PDE1C: variants seen among roughly 807,000 people sequenced by gnomAD.
PDE1C encodes the protein phosphodiesterase 1C.
PDE1C carries 62 observed loss-of-function variants against 93.1 expected under a neutral mutation model. The observed-to-expected ratio is 0.67, with a 90% CI of 0.54 to 0.82. The LOEUF is 0.82. Among genes scored for constraint, PDE1C ranks in the 40% least tolerant of loss-of-function variants. The pLI is 0.00. For missense variants in PDE1C, 742 were observed against 884.6 expected, an observed-to-expected ratio of 0.84 and a Z score of 2.04; for synonymous variants, 325 against 310.1, an observed-to-expected ratio of 1.05 and a Z score of -0.50.
intron 1 of PDE1C, among the ~76,000 whole-genome samples, chr7:32,358,432 G>C (rs775212772): frequency 2.0e-5 from 3 of 152,214 alleles, no homozygotes; most frequent in Non-Finnish European, 4.4e-5. Flanking sequence ...TCATTGGCAA[G>C]AGGAGTTGAT....
intron 2 of PDE1C, among the ~76,000 whole-genome samples, chr7:32,029,093 T>A (rs2128631532): frequency 6.6e-6 from 1 of 152,240 alleles, no homozygotes; most frequent in South Asian, 2.1e-4. Context: ...CCTAAATAGA[T>A]ATTTCTCCAA....
At chr7:32,029,955 A>G (rs1790074840) in intron 2 of PDE1C, among the ~76,000 whole-genome samples, 1 of 152,094 alleles carries the variant, frequency 6.6e-6, no homozygotes, top group Non-Finnish European at 1.5e-5. Flanking sequence ...GAACATCCCA[A>G]TTAACCGTGA....
At chr7:31,682,759 C>T in the PDE1C span, among the ~76,000 whole-genome samples, 4 of 152,168 alleles carry the variant, frequency 2.6e-5, no homozygotes, top group East Asian at 5.8e-4. Context: ...AGATAAATTG[C>T]GGTACATCCA....
the PDE1C span, among the ~76,000 whole-genome samples, chr7:31,632,870 A>T: frequency 4.5e-4 from 68 of 151,212 alleles, no homozygotes; most frequent in Non-Finnish European, 5.9e-4. Flanking sequence ...TTTTATTTTT[A>T]TTTATTTATT....
At chr7:32,417,205 A>G (rs141321189) in intron 1 of PDE1C, among the ~76,000 whole-genome samples, 170 of 152,194 alleles carry the variant, frequency 1.1e-3, no homozygotes, top group African/African-American at 3.9e-3. Context: ...CTGGGTGCTC[A>G]GGGCACCCAG....
At chr7:32,019,125 C>G (rs1456378469) in intron 2 of PDE1C, among the ~76,000 whole-genome samples, 1 of 143,370 alleles carries the variant, frequency 7.0e-6, no homozygotes, top group Non-Finnish European at 1.5e-5. Flanking sequence ...AGTAGAGGGG[C>G]ACCACAAGAC....
chr7:31,996,153 G>A (rs1195806907), intron 2 of PDE1C, among the ~76,000 whole-genome samples: 1 of 151,240 alleles, frequency 6.6e-6, no homozygotes, highest in Admixed American at 6.6e-5. Context: ...AGAGAGAGAA[G>A]CTGGCAACAT....
intron 1 of PDE1C, among the ~76,000 whole-genome samples, chr7:32,387,139 C>G (rs1458199569): frequency 6.6e-6 from 1 of 151,160 alleles, no homozygotes; most frequent in African/African-American, 2.4e-5. Flanking sequence ...CGCCCTTAAT[C>G]CATTTAACCC....
chr7:31,795,503 A>G (rs930228332), intron 16 of PDE1C, among the ~76,000 whole-genome samples: 3 of 151,950 alleles, frequency 2.0e-5, no homozygotes, highest in African/African-American at 7.2e-5. Flanking sequence ...CTTTAAAAAT[A>G]CAGTGGTACA....
intron 2 of PDE1C, among the ~76,000 whole-genome samples, chr7:31,893,842 T>C (rs550448486): frequency 6.6e-6 from 1 of 152,226 alleles, no homozygotes; most frequent in East Asian, 1.9e-4. Flanking sequence ...TTAAAAGTAT[T>C]ATCTAGTGCT....
chr7:31,902,839 G>C (rs1006818078), intron 2 of PDE1C, among the ~76,000 whole-genome samples: 10 of 151,122 alleles, frequency 6.6e-5, no homozygotes, highest in African/African-American at 2.4e-4. Context: ...ACATTAAAAA[G>C]TTCATAATAT....
At chr7:32,077,390 G>A (rs1796413929) in intron 3 of PDE1C, among the ~76,000 whole-genome samples, 1 of 152,092 alleles carries the variant, frequency 6.6e-6, no homozygotes, top group Non-Finnish European at 1.5e-5. Context: ...CTAGGGGTGG[G>A]CAGAGCACCC....
chr7:32,092,021 A>G (rs138604603), intron 3 of PDE1C, among the ~76,000 whole-genome samples: 1 of 152,306 alleles, frequency 6.6e-6, no homozygotes, highest in Non-Finnish European at 1.5e-5. Flanking sequence ...TTTTGGCCCA[A>G]GGAACAAAAC....
At chr7:32,049,603 A>G (rs1355207751) in intron 2 of PDE1C, among the ~76,000 whole-genome samples, 1 of 152,188 alleles carries the variant, frequency 6.6e-6, no homozygotes, top group Admixed American at 6.5e-5. Flanking sequence ...CTACTGTGAG[A>G]TGACGCTCAT....
intron 1 of PDE1C, among the ~76,000 whole-genome samples, chr7:32,259,418 C>T (rs1810033817): frequency 6.6e-6 from 1 of 152,078 alleles, no homozygotes; most frequent in South Asian, 2.1e-4. Flanking sequence ...TGCTCAGGGC[C>T]CCGGCAAGTC....
At chr7:31,666,545 A>T in the PDE1C span, among the ~76,000 whole-genome samples, 1 of 152,224 alleles carries the variant, frequency 6.6e-6, no homozygotes, top group African/African-American at 2.4e-5. Context: ...CTAAAAGGAA[A>T]ATAAATTTGG....
rs142634746 is a variant in PDE1C at position 32,016,715 on chromosome 7, T to C, written c.128+34839A>G. On this transcript the variant is annotated intron_variant, in intron 2 of 17. Transcript: ENST00000396191. ...CTTTAGATATAGAAGGAAGGAAAGT[T>C]AGTAATGATACATCAATAAAGTGAA... is the stretch of plus-strand genomic sequence containing the variant. Among the ~76,000 whole-genome samples the C allele has an allele frequency of 1.1e-3, 163 of 152,284 alleles. 1 individual carries two copies. Among genetic ancestry groups the C allele is most frequent in the Non-Finnish European group, 2.1e-3 (142 of 68,020 alleles).
chr7:31,813,396 T>A (rs958567343), intron 15 of PDE1C, among the ~76,000 whole-genome samples: 16 of 152,122 alleles, frequency 1.1e-4, no homozygotes, highest in Non-Finnish European at 2.9e-5. Context: ...CTATACAGTG[T>A]CTGGTTGTGT....
intron 15 of PDE1C, among the ~76,000 whole-genome samples, chr7:31,815,135 C>A (rs79053870): frequency 0.016 from 2,487 of 152,182 alleles, 25 homozygotes; most frequent in African/African-American, 0.028. Context: ...AATCCCCAGT[C>A]CCCAAAAAGC....
Sources: allele counts gnomAD v4.1 joint callset (sites outside exome capture counted in the v4.1 genomes callset), GRCh38; gene constraint gnomAD v4.1.1; transcripts MANE v1.5; gene names NCBI Gene and HGNC (gene_info 2026-07-23, HGNC 2026-07-21).